The following FAM174B variants were observed in gnomAD, a reference collection of about 807,000 sequenced individuals.
The protein encoded by FAM174B is family with sequence similarity 174 member B.
A neutral mutation model predicts 10.9 loss-of-function variants in FAM174B; 12 were observed. The ratio of observed to expected loss-of-function variants is 1.10; its 90% confidence interval spans 0.71 to 1.79. FAM174B has a LOEUF of 1.79. Ranked by LOEUF, FAM174B falls within the 40% of genes most tolerant of loss-of-function variation. The probability of loss-of-function intolerance (pLI) is 0.00; values close to 1 mark genes in which losing one functional copy is unlikely to be tolerated. For synonymous variants in FAM174B, 132 were observed against 115.8 expected (o/e 1.14, Z -0.90); for missense variants, 266 against 233.3 (o/e 1.14, Z -0.91).
Position 92,655,614 on chromosome 15 carries a change from G to C in FAM174B, c.46C>G (p.Leu16Val), listed in dbSNP as rs2050999731. 7.9e-7 allele frequency: 1 copy of C among 1,269,450 alleles called. No homozygotes were observed. Among genetic ancestry groups the C allele is most frequent in the Non-Finnish European group, 9.9e-7 (1 of 1,011,294 alleles). The allele number at this position is 1,269,450 out of a possible 1,614,324, so 78.6% of individuals were successfully genotyped here. A position where few individuals can be genotyped will look rare whatever the true frequency, so the allele number is the denominator to read the frequency against. The change falls in exon 1 of 3, where the codon CTC (leucine) becomes GTC (valine). Residue 16 changes from leucine to valine, a missense_variant. Leu to Val is a conservative substitution (Grantham distance 32). Transcript: ENST00000327355. Reference protein sequence around the residue: ...LPAPLLPLLLLALLAAPAARA... With the variant: ...LPAPLLPLLLVALLAAPAARA... ...GCGGCGGGAGCGGCCAGGAGCGCGA[G>C]CAGCAGCAGCGGCAGGAGCGGGGCG...
chr15:92,622,765 G>C (rs1360222155), intron 2 of FAM174B, among the ~76,000 whole-genome samples: 1 of 152,232 alleles, frequency 6.6e-6, no homozygotes, highest in Non-Finnish European at 1.5e-5. Flanking sequence ...TCTCGAACTT[G>C]TAGGTTTCAC....
At chr15:92,627,137 T>C (rs938946525) in intron 2 of FAM174B, 8 of 151,954 alleles carry the variant, frequency 5.3e-5, no homozygotes, top group African/African-American at 1.9e-4. Flanking sequence ...GGAATGCACA[T>C]CATTAAAGTG....
Position 92,621,262 on chromosome 15 carries a change from G to A in FAM174B, c.477-1803C>T, listed in dbSNP as rs577041837. ...GTTAAAAGTATAGGGTGTTCCCTAC[G>A]CTATTTTTATTTTTGCATGAAGTTT... is the stretch of plus-strand genomic sequence containing the variant. On this transcript the variant is annotated intron_variant, in intron 2 of 2. Transcript: ENST00000327355. Among the ~76,000 whole-genome samples, 9 of 152,212 alleles carry A rather than the reference G, an allele frequency of 5.9e-5. No individual in the cohort carries two copies. In the East Asian group the frequency reaches 1.4e-3, roughly 23 times the overall value.
At chr15:92,650,780 C>T (rs1186573885) in intron 1 of FAM174B, among the ~76,000 whole-genome samples, 1 of 152,200 alleles carries the variant, frequency 6.6e-6, no homozygotes, top group Non-Finnish European at 1.5e-5. Flanking sequence ...CAGCTTTCTA[C>T]TTCCTAGAGA....
At position 92,617,980 on chromosome 15, in the gene FAM174B, C is replaced by T. The variant is rs2050690703; in HGVS notation, c.*1476G>A. The T allele has an allele frequency of 1.2e-5, 4 of 339,534 alleles. No homozygotes were observed. The highest frequency in any genetic ancestry group is 2.1e-5 in the Non-Finnish European group (4 of 189,034). 21.0% of individuals were successfully genotyped at this position (339,534 alleles called of 1,614,324 possible). A position where few individuals can be genotyped will look rare whatever the true frequency, so the allele number is the denominator to read the frequency against. The stretch of plus-strand genomic sequence containing the variant: ...GAGGCGAAACTGCCTTCCTGGCAGG[C>T]GGAGGCTGCCGAGCTCCCATGCCCC... On this transcript the variant is annotated 3_prime_UTR_variant, in exon 3 of 3. Coordinates refer to ENST00000327355, the MANE Select transcript of FAM174B (RefSeq NM_207446.3).
chr15:92,619,374 G>C lies in FAM174B; in HGVS notation c.*82C>G. On this transcript the variant is annotated 3_prime_UTR_variant, in exon 3 of 3. Transcript: ENST00000327355. ...TGGTTTCAACACCTCCGACGCAAGA[G>C]GGCTTCCAGGTCCAGTCCTTCACAC... The C allele has an allele frequency of 1.3e-6, 2 of 1,553,874 alleles. No individual in the cohort carries two copies. The highest frequency in any genetic ancestry group is 1.8e-6 in the Non-Finnish European group (2 of 1,125,818).
chr15:92,652,735 G>C (rs1211299287), intron 1 of FAM174B, among the ~76,000 whole-genome samples: 4 of 152,212 alleles, frequency 2.6e-5, no homozygotes, highest in African/African-American at 7.2e-5. Context: ...TGTGGGCAGA[G>C]GTGAGACAGT....
At chr15:92,622,686 G>A (rs1414346350) in intron 2 of FAM174B, among the ~76,000 whole-genome samples, 2 of 152,242 alleles carry the variant, frequency 1.3e-5, no homozygotes, top group Non-Finnish European at 2.9e-5. Context: ...TGCACCTGCT[G>A]TTACTTCTCC....
intron 1 of FAM174B, chr15:92,639,308 G>A (rs1351819585): frequency 2.0e-5 from 3 of 152,196 alleles, no homozygotes; most frequent in Admixed American, 1.3e-4. Context: ...AACAGAAGGA[G>A]GGCACGCTGC....
At chr15:92,632,828 CTA>C (rs1311948100) in intron 1 of FAM174B, among the ~76,000 whole-genome samples, 1 of 152,094 alleles carries the variant, frequency 6.6e-6, no homozygotes, top group Non-Finnish European at 1.5e-5. Context: ...AGACCTAACA[CTA>C]TGTTTTTACC....
rs148986591 is a variant in FAM174B at position 92,625,710 on chromosome 15, G to A, written c.476+4504C>T. 3.9e-4 allele frequency among the ~76,000 whole-genome samples: 60 copies of A among 152,282 alleles called. No homozygotes were observed. The East Asian group carries it at 7.9e-3, about 20-fold the overall frequency. ...CATCTATATACTCACACACTCTAGT[G>A]GTTACTGTTAAGTAGTGAGATGACA... is the stretch of plus-strand genomic sequence containing the variant. On this transcript the variant is annotated intron_variant, in intron 2 of 2. Coordinates refer to ENST00000327355, the MANE Select transcript of FAM174B (RefSeq NM_207446.3).
chr15:92,625,737 G>A (rs1465273955), intron 2 of FAM174B, among the ~76,000 whole-genome samples: 1 of 152,214 alleles, frequency 6.6e-6, no homozygotes, highest in African/African-American at 2.4e-5. Flanking sequence ...GAGATGACAA[G>A]TAACTGTGTC....
chr15:92,632,929 G>T (rs2050829010), intron 1 of FAM174B, among the ~76,000 whole-genome samples: 2 of 152,112 alleles, frequency 1.3e-5, no homozygotes, highest in Admixed American at 1.3e-4. Flanking sequence ...CTGCACGAAG[G>T]CTGCGATATG....
intron 2 of FAM174B, among the ~76,000 whole-genome samples, chr15:92,625,751 C>T (rs2141949859): frequency 6.6e-6 from 1 of 152,352 alleles, no homozygotes; most frequent in East Asian, 1.9e-4. Flanking sequence ...CTGTGTCTTT[C>T]CTGTTTATTA....
chr15:92,647,130 T>TATC, intron 1 of FAM174B, among the ~76,000 whole-genome samples: 1 of 152,342 alleles, frequency 6.6e-6, no homozygotes, highest in Middle Eastern at 3.4e-3. Flanking sequence ...CAGAGTCCGT[T>TATC]ACACAGTAAG....
intron 2 of FAM174B, 126 bp downstream of exon 2, chr15:92,630,088 T>C (rs747609360): frequency 2.9e-5 from 25 of 858,690 alleles, no homozygotes; most frequent in Non-Finnish European, 4.3e-5. Context: ...TCTCTCCACG[T>C]GCAGAACACC....
intron 2 of FAM174B, among the ~76,000 whole-genome samples, chr15:92,624,324 C>T (rs75956219): frequency 0.01 from 1,598 of 152,308 alleles, 17 homozygotes; most frequent in East Asian, 0.044. Context: ...CTATACCCAC[C>T]GCCCAGGCAG....
chr15:92,645,080 C>T (rs1221877624), intron 1 of FAM174B, among the ~76,000 whole-genome samples: 2 of 152,246 alleles, frequency 1.3e-5, no homozygotes, highest in African/African-American at 2.4e-5. Context: ...TTAGGTCCTA[C>T]GTGCCAAGCA....
At chr15:92,636,628 A>AGGCT (rs59848200) in intron 1 of FAM174B, among the ~76,000 whole-genome samples, 25,270 of 152,078 alleles carry the variant, frequency 0.17, 2,202 homozygotes, top group Middle Eastern at 0.24. Flanking sequence ...CCGCGGAGAT[A>AGGCT]GGCTGCATGG....
Sources: gnomAD v4.1 joint callset for allele counts (sites outside exome capture counted in the v4.1 genomes callset) on GRCh38, gnomAD v4.1.1 for gene constraint, MANE v1.5 for transcripts, NCBI Gene and HGNC (gene_info 2026-07-23, HGNC 2026-07-21) for gene names.